The following PGM1 variants were observed in gnomAD, a reference collection of about 807,000 sequenced individuals.
The protein encoded by PGM1 is phosphoglucomutase 1, also known as phosphoglucomutase-1.
PGM1 carries 52 observed loss-of-function variants against 55.6 expected under a neutral mutation model. The observed-to-expected ratio is 0.94, with a 90% CI of 0.75 to 1.18. The LOEUF (loss-of-function observed/expected upper bound fraction) is 1.18, where lower values mean the gene tolerates loss of function less well. PGM1 is among the 50% of genes most tolerant of loss of function. PGM1 has a pLI of 0.00. For missense variants in PGM1, 724 were observed against 729.3 expected (o/e 0.99, Z 0.08); for synonymous variants, 287 against 271.7 (o/e 1.06, Z -0.55).
At chr1:63,645,318 AG>A (rs1649620021) in intron 7 of PGM1, among the ~76,000 whole-genome samples, 1 of 152,224 alleles carries the variant, frequency 6.6e-6, no homozygotes, top group South Asian at 2.1e-4. Flanking sequence ...TTCCTTGCTT[AG>A]GGCAGGAAAA....
At chr1:63,631,896 A>G (rs1306629971) in intron 4 of PGM1, 114 bp downstream of exon 4, 4 of 1,060,942 alleles carry the variant, frequency 3.8e-6, no homozygotes, top group African/African-American at 1.6e-5. Context: ...ATGGTTTTTA[A>G]ATAGAGTTAT....
chr1:63,650,827 C>T (rs940270686), intron 8 of PGM1, among the ~76,000 whole-genome samples: 4 of 152,016 alleles, frequency 2.6e-5, no homozygotes, highest in Non-Finnish European at 2.9e-5. Context: ...CACTGGGCCT[C>T]TTCTGTCAGG....
chr1:63,638,803 A>T lies in PGM1; in HGVS notation c.1144+3A>T, dbSNP rs1393459956. 3 of 1,591,822 alleles carry T rather than the reference A, an allele frequency of 1.9e-6. No homozygotes were observed. In the Admixed American group the frequency reaches 5.0e-5, roughly 27 times the overall value. On this transcript the variant is annotated splice_donor_region_variant and intron_variant, in intron 7 of 10. Coordinates refer to ENST00000371084, the MANE Select transcript of PGM1 (RefSeq NM_002633.3). ...TGGGGAGGAGAGCTTCGGGACCGGT[A>T]AGTCACACTCCTGTGCTAGCATTTT...
chr1:63,648,546 C>G lies in PGM1; in HGVS notation c.1174C>G (p.Leu392Val). The G allele has an allele frequency of 6.2e-7, 1 of 1,614,104 alleles. No individual in the cohort carries two copies. The highest frequency in any genetic ancestry group is 8.5e-7 in the Non-Finnish European group (1 of 1,179,982). The change falls in exon 8 of 11, where the codon CTG becomes GTG. Residue 392 changes from leucine (L) to valine (V), a missense_variant. Physicochemically the swap from Leu to Val is conservative, Grantham distance 32 (BLOSUM62 1). Around this residue, in one of 3 missense-constraint regions of PGM1, gnomAD observed 316 missense variants for 313.1 expected, o/e 1.01. Coordinates refer to ENST00000371084, the MANE Select transcript of PGM1 (RefSeq NM_002633.3). ...TGACCACATCCGTGAGAAAGATGGACTGTGGGCTGTCCTTGCCTGGCTCTC... is the reference window on the plus strand; with the variant it reads ...TGACCACATCCGTGAGAAAGATGGAGTGTGGGCTGTCCTTGCCTGGCTCTC... ...GSDHIREKDG[L>V]WAVLAWLSIL...
intron 10 of PGM1, among the ~76,000 whole-genome samples, chr1:63,656,571 GGTGTGTGTGTGTGTGTGTGT>G (rs10629750): frequency 6.9e-6 from 1 of 144,240 alleles, no homozygotes; most frequent in African/African-American, 2.7e-5. Context: ...AAGACATTGT[GGTGTGTGTGTGTGTGTGTGT>G]GTGTGTGTGT....
intron 5 of PGM1, 149 bp downstream of exon 5, chr1:63,635,168 G>A: frequency 2.9e-6 from 2 of 685,640 alleles, no homozygotes; most frequent in South Asian, 1.7e-5. Flanking sequence ...ATTATTAGAA[G>A]CCCCTCTTGA....
At chr1:63,629,616 T>G in intron 2 of PGM1, 29 bp downstream of exon 2, 1 of 1,602,544 alleles carries the variant, frequency 6.2e-7, no homozygotes, top group African/African-American at 1.3e-5. Flanking sequence ...TGAGGACAGG[T>G]AAGTTTACAT....
chr1:63,656,571 GGTGTGT>G lies in PGM1; in HGVS notation c.1599+2136_1599+2141del, dbSNP rs10629750. 5.0e-4 allele frequency among the ~76,000 whole-genome samples: 72 copies of G among 144,276 alleles called. No individual in the cohort carries two copies. In the East Asian group the frequency reaches 5.4e-3, roughly 11 times the overall value. The allele number at this position is 144,276 out of a possible 152,430, so 94.7% of individuals were successfully genotyped here. ...ATCTACAGATGAATGAAGACATTGTGGTGTGTGTGTGTGTGTGTGTGTGTGTGTGTG... is the reference window on the plus strand; with the variant it reads ...ATCTACAGATGAATGAAGACATTGTGGTGTGTGTGTGTGTGTGTGTGTGTG... On this transcript the variant is annotated intron_variant, in intron 10 of 10. Coordinates refer to ENST00000371084, the MANE Select transcript of PGM1 (RefSeq NM_002633.3).
rs1427940454 is a variant in PGM1, at chr1:63,623,319, C to T, written c.247-6106C>T. The stretch of plus-strand genomic sequence containing the variant: ...CAACAAGGAATTAACCAAGCTTTCT[C>T]ATTGAGAGTGATCGTCCATGCAAAC... On this transcript the variant is annotated intron_variant, in intron 1 of 10. Transcript: ENST00000371084. 4.0e-6 allele frequency: 6 copies of T among 1,485,440 alleles called. No homozygotes were observed. The East Asian group carries it at 1.4e-4, about 34-fold the overall frequency. The allele number at this position is 1,485,440 out of a possible 1,614,324, so 92.0% of individuals were successfully genotyped here. A position where few individuals can be genotyped will look rare whatever the true frequency, so the allele number is the denominator to read the frequency against.
At chr1:63,632,557 G>T (rs1649223875) in intron 4 of PGM1, among the ~76,000 whole-genome samples, 1 of 152,128 alleles carries the variant, frequency 6.6e-6, no homozygotes, top group Non-Finnish European at 1.5e-5. Flanking sequence ...CCATAGAATG[G>T]ATCTACTTCC....
intron 4 of PGM1, among the ~76,000 whole-genome samples, chr1:63,632,467 A>G (rs1443236395): frequency 6.6e-6 from 1 of 152,168 alleles, no homozygotes; most frequent in Non-Finnish European, 1.5e-5. Flanking sequence ...ACTGCAAACC[A>G]CAGAAAGTCT....
chr1:63,618,337 C>T (rs1412557116), intron 1 of PGM1, among the ~76,000 whole-genome samples: 1 of 152,130 alleles, frequency 6.6e-6, no homozygotes, highest in Non-Finnish European at 1.5e-5. Flanking sequence ...TGGAATGTTC[C>T]ACTAATGTTT....
chr1:63,611,507 C>T (rs1372602733), intron 1 of PGM1, among the ~76,000 whole-genome samples: 1 of 152,104 alleles, frequency 6.6e-6, no homozygotes, highest in African/African-American at 2.4e-5. Context: ...TATACACAGG[C>T]CAACATAAGA....
Position 63,648,492 on chromosome 1 carries a change from C to T in PGM1, c.1145-25C>T, listed in dbSNP as rs376501061. On this transcript the variant is annotated intron_variant, in intron 7 of 10. Coordinates refer to ENST00000371084, the MANE Select transcript of PGM1 (RefSeq NM_002633.3). Reference sequence around the variant, plus strand: ...GTACTGGGAGAAAGCACGTTTCTTACAGCAGCTTGCTGTCCCCCCTCCAGG... The same window carrying T: ...GTACTGGGAGAAAGCACGTTTCTTATAGCAGCTTGCTGTCCCCCCTCCAGG... 4 of 1,613,818 alleles carry T rather than the reference C, an allele frequency of 2.5e-6. No homozygotes were observed. In the African/African-American group the frequency reaches 4.0e-5, roughly 16 times the overall value.
chr1:63,615,550 C>CTTTTTTTTTTTTTTTTTTTTTTTTT (rs1161161385), intron 1 of PGM1, among the ~76,000 whole-genome samples: 2 of 62,976 alleles, frequency 3.2e-5, no homozygotes, highest in African/African-American at 1.3e-4. Flanking sequence ...TCTTCTTCTT[C>CTTTTTTTTTTTTTTTTTTTTTTTTT]TTTTTTTTTT....
intron 4 of PGM1, among the ~76,000 whole-genome samples, chr1:63,634,242 T>C (rs1649301402): frequency 6.6e-6 from 1 of 152,096 alleles, no homozygotes. Context: ...CAGGTGATAA[T>C]CATAATATAA....
At chr1:63,639,566 C>A (rs1194823268) in intron 7 of PGM1, among the ~76,000 whole-genome samples, 2 of 152,000 alleles carry the variant, frequency 1.3e-5, no homozygotes, top group African/African-American at 4.8e-5. Context: ...TGGCCCTGTC[C>A]CATGTATCAG....
chr1:63,656,966 T>A (rs1649984967), intron 10 of PGM1, among the ~76,000 whole-genome samples: 1 of 152,156 alleles, frequency 6.6e-6, no homozygotes, highest in Non-Finnish European at 1.5e-5. Context: ...TAGATCTTAA[T>A]TGTTCTCACT....
At chr1:63,640,345 G>A (rs1445239372) in intron 7 of PGM1, among the ~76,000 whole-genome samples, 2 of 152,184 alleles carry the variant, frequency 1.3e-5, no homozygotes, top group African/African-American at 2.4e-5. Flanking sequence ...AGTTCCATGA[G>A]AGGGTTCTAG....
Sources: allele counts gnomAD v4.1 joint callset (sites outside exome capture counted in the v4.1 genomes callset), GRCh38; gene constraint gnomAD v4.1.1; regional missense constraint gnomAD v4.1.1; transcripts MANE v1.5; gene names NCBI Gene and HGNC (gene_info 2026-07-23, HGNC 2026-07-21).